Variants in SPATA17 observed in about 807,000 individuals in gnomAD.
The protein encoded by SPATA17 is spermatogenesis associated 17.
Under a neutral mutation model 62.2 loss-of-function variants are expected in SPATA17, and 53 were observed. That is an observed-to-expected ratio of 0.85 (90% CI 0.68 to 1.07). The LOEUF (loss-of-function observed/expected upper bound fraction) is 1.07, where lower values mean the gene tolerates loss of function less well. SPATA17 is among the 50% of genes least tolerant of loss of function. The pLI is 0.00. For missense variants in SPATA17, 466 were observed against 425.5 expected, an observed-to-expected ratio of 1.10 and a Z score of -0.84; for synonymous variants, 146 against 146.8, an observed-to-expected ratio of 0.99 and a Z score of 0.04.
chr1:217,794,132 GA>G (rs1674076661), intron 8 of SPATA17, among the ~76,000 whole-genome samples: 1 of 146,682 alleles, frequency 6.8e-6, no homozygotes, highest in African/African-American at 2.5e-5. Context: ...AAAAAAAAAA[GA>G]AAGAAAGAAA....
intron 4 of SPATA17, among the ~76,000 whole-genome samples, chr1:217,675,567 A>G (rs1670928692): frequency 6.6e-6 from 1 of 152,178 alleles, no homozygotes; most frequent in Admixed American, 6.5e-5. Flanking sequence ...TAGGCAAGAA[A>G]AAGATTGCCA....
chr1:217,864,236 G>T (rs1675955786), intron 10 of SPATA17, among the ~76,000 whole-genome samples: 1 of 152,110 alleles, frequency 6.6e-6, no homozygotes, highest in Admixed American at 6.5e-5. Flanking sequence ...TCATATTTGT[G>T]TATGACTTCA....
chr1:217,659,597 A>C (rs940343934), intron 3 of SPATA17, among the ~76,000 whole-genome samples: 3 of 152,142 alleles, frequency 2.0e-5, no homozygotes, highest in African/African-American at 4.8e-5. Context: ...GGGAGACTAA[A>C]TGATGTGCCT....
intron 6 of SPATA17, among the ~76,000 whole-genome samples, chr1:217,749,339 A>G (rs747798939): frequency 1.3e-5 from 2 of 152,196 alleles, no homozygotes; most frequent in Admixed American, 6.5e-5. Flanking sequence ...ACGGTTGCCA[A>G]TAGTACCCTT....
At chr1:217,826,561 T>G (rs1371504798) in intron 9 of SPATA17, among the ~76,000 whole-genome samples, 1 of 152,098 alleles carries the variant, frequency 6.6e-6, no homozygotes, top group Admixed American at 6.6e-5. Context: ...AGTGTTTTGG[T>G]TAATTCCATT....
chr1:217,832,106 A>G (rs553599763), intron 9 of SPATA17, among the ~76,000 whole-genome samples: 82 of 152,280 alleles, frequency 5.4e-4, no homozygotes, highest in African/African-American at 1.8e-3. Flanking sequence ...TAGTTTTGAC[A>G]TTTAATATAC....
intron 10 of SPATA17, among the ~76,000 whole-genome samples, chr1:217,863,119 C>CTTT (rs35673625): frequency 4.1e-4 from 46 of 111,828 alleles, no homozygotes; most frequent in Middle Eastern, 5.9e-3. Context: ...AATACTCTTT[C>CTTT]TTTTTTTTTT....
chr1:217,671,630 C>T (rs1270194718), intron 4 of SPATA17, among the ~76,000 whole-genome samples: 1 of 152,092 alleles, frequency 6.6e-6, no homozygotes, highest in Non-Finnish European at 1.5e-5. Flanking sequence ...CCCTGCCTCT[C>T]CTGTCCTCTC....
At chr1:217,732,660 A>G (rs1047667655) in intron 5 of SPATA17, among the ~76,000 whole-genome samples, 1 of 152,138 alleles carries the variant, frequency 6.6e-6, no homozygotes, top group African/African-American at 2.4e-5. Context: ...CTGTGTCTCA[A>G]AGTCACAATC....
At chr1:217,633,226 AAATAAAT>A (rs1669859463) in intron 1 of SPATA17, among the ~76,000 whole-genome samples, 1 of 151,870 alleles carries the variant, frequency 6.6e-6, no homozygotes. Flanking sequence ...ATAAATAAAT[AAATAAAT>A]AATAACAACA....
chr1:217,868,765 CA>C lies in SPATA17; in HGVS notation c.*1747del, dbSNP rs1225958461. ...CATGAACTCAGCTCACTGCAACCTT[CA>C]CCTCCCAGGCTCAAGCAGTCCTCCC... is the stretch of plus-strand genomic sequence containing the variant. On this transcript the variant is annotated 3_prime_UTR_variant, in exon 11 of 11. Coordinates refer to ENST00000366933, the MANE Select transcript of SPATA17 (RefSeq NM_138796.4). 6.7e-6 allele frequency: 1 copy of C among 149,580 alleles called. No individual in the cohort carries two copies. The highest frequency in any genetic ancestry group is 2.5e-5 in the African/African-American group (1 of 40,772). The allele number at this position is 149,580 out of a possible 1,614,324, so 9.3% of individuals were successfully genotyped here. A position where few individuals can be genotyped will look rare whatever the true frequency, so the allele number is the denominator to read the frequency against.
chr1:217,736,050 A>G (rs927369329), intron 5 of SPATA17, among the ~76,000 whole-genome samples: 5 of 152,004 alleles, frequency 3.3e-5, no homozygotes, highest in African/African-American at 4.8e-5. Context: ...AAAATATTTT[A>G]TAGAAATATA....
intron 5 of SPATA17, among the ~76,000 whole-genome samples, chr1:217,725,839 T>C (rs1672247358): frequency 6.6e-6 from 1 of 152,216 alleles, no homozygotes; most frequent in Non-Finnish European, 1.5e-5. Context: ...TTTAATCTTC[T>C]TGTAAAGGAA....
chr1:217,799,402 C>T (rs1052957392), intron 8 of SPATA17, among the ~76,000 whole-genome samples: 4 of 152,012 alleles, frequency 2.6e-5, no homozygotes, highest in Non-Finnish European at 4.4e-5. Flanking sequence ...GTGCAGCAGC[C>T]GGCTCGCAGC....
intron 9 of SPATA17, among the ~76,000 whole-genome samples, chr1:217,846,319 C>T (rs1407617070): frequency 6.6e-6 from 1 of 152,004 alleles, no homozygotes; most frequent in Non-Finnish European, 1.5e-5. Flanking sequence ...AAGAAATCTA[C>T]AACTCATAAT....
At chr1:217,705,252 T>G (rs904379285) in intron 5 of SPATA17, among the ~76,000 whole-genome samples, 2 of 151,948 alleles carry the variant, frequency 1.3e-5, no homozygotes, top group South Asian at 4.1e-4. Flanking sequence ...ATTGGGATTG[T>G]TTGTTTTTTC....
At chr1:217,732,084 T>TTCTCTCTCTCTCTCTCTCTCTC (rs60691625) in intron 5 of SPATA17, among the ~76,000 whole-genome samples, 826 of 148,814 alleles carry the variant, frequency 5.6e-3, no homozygotes, top group Middle Eastern at 0.014. Flanking sequence ...TTACTCCAGT[T>TTCTCTCTCTCTCTCTCTCTCTC]TCTCTCTCTC....
intron 9 of SPATA17, among the ~76,000 whole-genome samples, chr1:217,846,292 A>G (rs76362093): frequency 0.14 from 21,509 of 152,046 alleles, 1,698 homozygotes; most frequent in Middle Eastern, 0.19. Flanking sequence ...CTACATTGCT[A>G]AAGAATGTTT....
chr1:217,737,057 T>C lies in SPATA17; in HGVS notation c.396-4918T>C, dbSNP rs528826176. On this transcript the variant is annotated intron_variant, in intron 5 of 10. Coordinates refer to ENST00000366933, the MANE Select transcript of SPATA17 (RefSeq NM_138796.4). ...AAAAAAAGTCCTATTGATAGCTAAA[T>C]ACAATACTGAATTTAGGCAACATGA... is the stretch of plus-strand genomic sequence containing the variant. Among the ~76,000 whole-genome samples, 6 of 152,326 alleles carry C rather than the reference T, an allele frequency of 3.9e-5. No individual in the cohort carries two copies. The South Asian group carries it at 1.2e-3, about 32-fold the overall frequency.
Sources: gnomAD v4.1 joint callset for allele counts (sites outside exome capture counted in the v4.1 genomes callset) on GRCh38, gnomAD v4.1.1 for gene constraint, MANE v1.5 for transcripts, NCBI Gene and HGNC (gene_info 2026-07-23, HGNC 2026-07-21) for gene names.